DENND4A: variants seen among roughly 807,000 people sequenced by gnomAD.
DENND4A encodes the protein DENN domain containing 4A.
A neutral mutation model predicts 199.3 loss-of-function variants in DENND4A; 70 were observed. That is an observed-to-expected ratio of 0.35 (90% CI 0.29 to 0.43). The LOEUF (loss-of-function observed/expected upper bound fraction) is 0.43. DENND4A is among the 20% of genes least tolerant of loss of function. The pLI is 1.00. For synonymous variants in DENND4A, 686 were observed against 766.9 expected (o/e 0.89, Z 1.74); for missense variants, 1,723 against 2,255.8 (o/e 0.76, Z 4.78).
chr15:65,704,321 GA>G (rs200522683), intron 15 of DENND4A, among the ~76,000 whole-genome samples: 3,869 of 152,020 alleles, frequency 0.025, 98 homozygotes, highest in Non-Finnish European at 0.036. Context: ...GTAGTCTGAA[GA>G]AAAAAACCGA....
chr15:65,771,818 T>C, intron 1 of DENND4A: 1 of 1,613,394 alleles, frequency 6.2e-7, no homozygotes. Flanking sequence ...TCATACTGTT[T>C]TCGCTTTTCT....
Position 65,779,248 on chromosome 15 carries a change from G to C in DENND4A, c.-102+12762C>G, listed in dbSNP as rs546079739. On this transcript the variant is annotated intron_variant, in intron 1 of 32. Transcript: ENST00000443035. The stretch of plus-strand genomic sequence containing the variant: ...AGGCGCGTGGATCGTCTGGGATCAG[G>C]AGTTCAAGACCATCTTGGCCAACAT... Among the ~76,000 whole-genome samples the C allele has an allele frequency of 3.9e-5, 6 of 152,152 alleles. No individual in the cohort carries two copies. The East Asian group carries it at 1.2e-3, about 29-fold the overall frequency.
chr15:65,705,438 G>A (rs1006625295), intron 15 of DENND4A, among the ~76,000 whole-genome samples: 1 of 152,130 alleles, frequency 6.6e-6, no homozygotes, highest in Non-Finnish European at 1.5e-5. Context: ...ACTAAATAAT[G>A]CATTCACCTC....
At chr15:65,731,352 C>A in intron 9 of DENND4A, 2 of 434,110 alleles carry the variant, frequency 4.6e-6, no homozygotes, top group Non-Finnish European at 9.0e-6. Context: ...TTAATTAAAG[C>A]TAAAAATAAC....
At chr15:65,714,766 T>A (rs2075347176) in intron 14 of DENND4A, among the ~76,000 whole-genome samples, 1 of 152,218 alleles carries the variant, frequency 6.6e-6, no homozygotes, top group Admixed American at 6.5e-5. Flanking sequence ...AGTCTGCCCC[T>A]GAACATGGAT....
At chr15:65,711,557 T>C (rs901022622) in intron 14 of DENND4A, among the ~76,000 whole-genome samples, 2 of 152,184 alleles carry the variant, frequency 1.3e-5, no homozygotes, top group Admixed American at 1.3e-4. Context: ...GAACTCAACA[T>C]ACAAAATGCA....
At chr15:65,781,359 T>C (rs907431633) in intron 1 of DENND4A, among the ~76,000 whole-genome samples, 5 of 152,306 alleles carry the variant, frequency 3.3e-5, no homozygotes, top group Admixed American at 6.5e-5. Flanking sequence ...GTTTCAAACA[T>C]ACCATTCTGG....
At position 65,691,158 on chromosome 15, in the gene DENND4A, C is replaced by T; in HGVS notation, c.3436G>A (p.Asp1146Asn). Residue 1146 changes from aspartate to asparagine, a missense_variant, in exon 23 of 33, where the codon GAT becomes AAT. Asp to Asn is a conservative substitution (Grantham distance 23). Coordinates refer to ENST00000443035, the MANE Select transcript of DENND4A (RefSeq NM_001320835.1). ...TAGTTAGAACCATCAAAAGGTGTAT[C>T]ATCATCACTAGATTCCTTTTCTAGA... is the stretch of plus-strand genomic sequence containing the variant. ...DSLEKESSDD[D>N]TPFDGSNYLA... 6.2e-7 allele frequency: 1 copy of T among 1,613,410 alleles called. No individual in the cohort carries two copies. Among genetic ancestry groups the T allele is most frequent in the Non-Finnish European group, 8.5e-7 (1 of 1,179,710 alleles).
At chr15:65,737,983 T>C (rs1183293804) in intron 6 of DENND4A, 38 bp from the exon 7 acceptor site, 25 of 1,523,272 alleles carry the variant, frequency 1.6e-5, no homozygotes, top group Non-Finnish European at 1.9e-5. Flanking sequence ...ATATACTTTG[T>C]ATCATATATC....
At chr15:65,664,019 A>T (rs1596376984) in intron 32 of DENND4A, among the ~76,000 whole-genome samples, 1 of 152,320 alleles carries the variant, frequency 6.6e-6, no homozygotes, top group East Asian at 1.9e-4. Context: ...AAATTGAAAT[A>T]TAATCCATAT....
intron 24 of DENND4A, among the ~76,000 whole-genome samples, chr15:65,674,906 A>C (rs1372043919): frequency 6.6e-6 from 1 of 152,236 alleles, no homozygotes; most frequent in Non-Finnish European, 1.5e-5. Flanking sequence ...GCAGCAAAGG[A>C]GAAAGGAACA....
rs2075782477 is a variant in DENND4A, at chr15:65,659,334, T to TG, written c.*2516_*2517insC. 8.0e-6 allele frequency: 1 copy of TG among 124,978 alleles called. No homozygotes were observed. Among genetic ancestry groups the TG allele is most frequent in the African/African-American group, 3.0e-5 (1 of 33,644 alleles). The allele number at this position is 124,978 out of a possible 1,614,324, so 7.7% of individuals were successfully genotyped here. A position where few individuals can be genotyped will look rare whatever the true frequency, so the allele number is the denominator to read the frequency against. On this transcript the variant is annotated 3_prime_UTR_variant, in exon 33 of 33. Transcript: ENST00000443035. ...TTGATATTTTCTGGTTTTTTTTTTT[T>TG]TTTTTTTTTTTTTTTTTGAGACAGG...
chr15:65,738,022 T>G (rs1322127530), intron 6 of DENND4A, 77 bp from the exon 7 acceptor site: 2 of 1,413,478 alleles, frequency 1.4e-6, no homozygotes, highest in East Asian at 5.0e-5. Flanking sequence ...AAATATTTAA[T>G]AAATGCTTGC....
chr15:65,743,080 G>A (rs2076300995), intron 4 of DENND4A, among the ~76,000 whole-genome samples: 1 of 152,006 alleles, frequency 6.6e-6, no homozygotes, highest in South Asian at 2.1e-4. Flanking sequence ...TAGTACCCTG[G>A]ATTGCAATAA....
intron 10 of DENND4A, 99 bp from the exon 11 acceptor site, chr15:65,729,346 C>A (rs1470733022): frequency 1.4e-6 from 2 of 1,398,674 alleles, no homozygotes; most frequent in East Asian, 2.5e-5. Flanking sequence ...TTATCTAAAG[C>A]CTAATGCCTG....
At chr15:65,728,971 T>TA (rs1425631544) in intron 11 of DENND4A, 101 bp downstream of exon 11, 1 of 1,183,052 alleles carries the variant, frequency 8.5e-7, no homozygotes, top group African/African-American at 1.5e-5. Flanking sequence ...GAAAACAATA[T>TA]ATCTTAAAAG....
At chr15:65,755,824 C>T (rs1274329875) in intron 3 of DENND4A, among the ~76,000 whole-genome samples, 3 of 151,972 alleles carry the variant, frequency 2.0e-5, no homozygotes, top group Non-Finnish European at 4.4e-5. Flanking sequence ...AGCCTTTTTT[C>T]GTACTTTAAA....
intron 1 of DENND4A, among the ~76,000 whole-genome samples, chr15:65,785,444 C>T (rs1171990214): frequency 6.8e-6 from 1 of 146,770 alleles, no homozygotes; most frequent in African/African-American, 2.5e-5. Flanking sequence ...GAGCCATGAT[C>T]ACATCACCGC....
chr15:65,759,395 T>C (rs1423213994), intron 2 of DENND4A, among the ~76,000 whole-genome samples: 2 of 152,106 alleles, frequency 1.3e-5, no homozygotes, highest in African/African-American at 2.4e-5. Context: ...GGAGAATTGC[T>C]TGAACCCAGG....
Sources: gnomAD v4.1 joint callset for allele counts (sites outside exome capture counted in the v4.1 genomes callset) on GRCh38, gnomAD v4.1.1 for gene constraint, MANE v1.5 for transcripts, NCBI Gene and HGNC (gene_info 2026-07-23, HGNC 2026-07-21) for gene names.